Variants in KIF5C observed in about 807,000 individuals in gnomAD.
The protein encoded by KIF5C is kinesin family member 5C.
Under a neutral mutation model 125.2 loss-of-function variants are expected in KIF5C, and 18 were observed. The ratio of observed to expected loss-of-function variants is 0.14; its 90% CI spans 0.10 to 0.21. The LOEUF is 0.21. KIF5C is among the 10% of genes least tolerant of loss of function. The pLI is 1.00. For synonymous variants in KIF5C, 405 were observed against 434.0 expected (o/e 0.93, Z 0.83); for missense variants, 780 against 1,183.8 (o/e 0.66, Z 5.01).
At position 148,950,065 on chromosome 2, in the gene KIF5C, G is replaced by A. The variant is rs117235960; in HGVS notation, c.819+122G>A. ...TTTTTCTGTTTGGAAGAGGACAGAG[G>A]GAATCCTGGCTATGGATGCCTGCTT... On this transcript the variant is annotated intron_variant, in intron 9 of 25. Transcript: ENST00000435030. 71 of 1,426,092 alleles carry A rather than the reference G, an allele frequency of 5.0e-5. No individual in the cohort carries two copies. In the East Asian group the frequency reaches 1.5e-3, roughly 31 times the overall value. The allele number at this position is 1,426,092 out of a possible 1,614,324, so 88.3% of individuals were successfully genotyped here. A position where few individuals can be genotyped will look rare whatever the true frequency, so the allele number is the denominator to read the frequency against.
intron 1 of KIF5C, among the ~76,000 whole-genome samples, chr2:148,920,950 G>A (rs534631283): frequency 1.4e-4 from 21 of 152,274 alleles, no homozygotes; most frequent in African/African-American, 5.1e-4. Context: ...GCTATGTGGG[G>A]AACATGAAGA....
chr2:148,903,603 C>T (rs889100100), intron 1 of KIF5C, among the ~76,000 whole-genome samples: 1 of 152,180 alleles, frequency 6.6e-6, no homozygotes, highest in African/African-American at 2.4e-5. Flanking sequence ...ATGCAGTGAT[C>T]GAATGCCATG....
chr2:148,875,567 C>T lies in KIF5C; in HGVS notation c.-51C>T. The T allele has an allele frequency of 1.2e-6, 1 of 853,188 alleles. No individual in the cohort carries two copies. Among genetic ancestry groups the T allele is most frequent in the Non-Finnish European group, 1.9e-6 (1 of 520,588 alleles). The allele number at this position is 853,188 out of a possible 1,614,324, so 52.9% of individuals were successfully genotyped here. On this transcript the variant is annotated 5_prime_UTR_variant, in exon 1 of 26. Coordinates refer to ENST00000435030, the MANE Select transcript of KIF5C (RefSeq NM_004522.3). ...TCGCGGCCTCCTCCCTCGTCGTTCC[C>T]GGCCCCGGCCCCCCACCCATCCCCG...
chr2:148,965,762 AG>A (rs1273261834), intron 11 of KIF5C, among the ~76,000 whole-genome samples: 4 of 152,204 alleles, frequency 2.6e-5, no homozygotes, highest in Non-Finnish European at 5.9e-5. Flanking sequence ...TCTCTGGTAA[AG>A]CTGCGATCTG....
intron 12 of KIF5C, among the ~76,000 whole-genome samples, chr2:148,976,195 C>T (rs764818925): frequency 3.9e-5 from 6 of 152,128 alleles, no homozygotes; most frequent in Non-Finnish European, 5.9e-5. Context: ...GACCTGTTGA[C>T]AACTGAGGTT....
At chr2:148,939,772 T>C (rs1405339849) in intron 4 of KIF5C, among the ~76,000 whole-genome samples, 1 of 152,194 alleles carries the variant, frequency 6.6e-6, no homozygotes, top group Non-Finnish European at 1.5e-5. Flanking sequence ...ACTAAGGCAA[T>C]ATCGAAAATC....
intron 15 of KIF5C, among the ~76,000 whole-genome samples, chr2:148,988,147 C>A (rs1159607222): frequency 6.7e-6 from 1 of 149,378 alleles, no homozygotes; most frequent in Non-Finnish European, 1.5e-5. Context: ...ATTTCAGCAG[C>A]AAACTGATTT....
At chr2:148,886,225 G>T (rs1304585879) in intron 1 of KIF5C, 1 of 152,344 alleles carries the variant, frequency 6.6e-6, no homozygotes, top group East Asian at 1.9e-4. Flanking sequence ...AGGATCCCGA[G>T]TGAGGCTGTC....
chr2:148,990,093 C>A (rs1038758387), intron 15 of KIF5C, among the ~76,000 whole-genome samples: 1 of 152,166 alleles, frequency 6.6e-6, no homozygotes, highest in Admixed American at 6.5e-5. Context: ...AGGCTGCACT[C>A]TGGTGGCTAA....
chr2:148,940,986 G>A (rs1463339074), intron 4 of KIF5C, among the ~76,000 whole-genome samples: 1 of 152,182 alleles, frequency 6.6e-6, no homozygotes, highest in Non-Finnish European at 1.5e-5. Flanking sequence ...AGTTCAAACA[G>A]GTTCTTAGGT....
At chr2:148,991,232 G>C (rs1216378398) in intron 16 of KIF5C, 34 bp downstream of exon 16, 1 of 1,602,506 alleles carries the variant, frequency 6.2e-7, no homozygotes, top group South Asian at 1.1e-5. Context: ...TTGCACTCTT[G>C]TTGTCTTGAG....
Position 149,005,227 on chromosome 2 carries a change from T to G in KIF5C, c.2374-166T>G, listed in dbSNP as rs181077930. On this transcript the variant is annotated intron_variant, in intron 21 of 25. Coordinates refer to ENST00000435030, the MANE Select transcript of KIF5C (RefSeq NM_004522.3). ...CCTCAAGGTGCTCCAGTAATGACACTAGGTCCAGGGGTGGGCATGGTCAGG... is the reference window on the plus strand; with the variant it reads ...CCTCAAGGTGCTCCAGTAATGACACGAGGTCCAGGGGTGGGCATGGTCAGG... Among the ~76,000 whole-genome samples, 125 of 151,508 alleles carry G rather than the reference T, an allele frequency of 8.3e-4. 2 individuals carry two copies. The highest frequency in any genetic ancestry group is 4.0e-3 in the South Asian group (19 of 4,776).
At chr2:148,942,865 A>G (rs1682439401) in intron 7 of KIF5C, 105 bp downstream of exon 7, 1 of 1,530,850 alleles carries the variant, frequency 6.5e-7, no homozygotes, top group Non-Finnish European at 8.8e-7. Flanking sequence ...AATGCATGGG[A>G]AGGTGATTAA....
chr2:148,931,964 A>G (rs752406406), intron 3 of KIF5C, among the ~76,000 whole-genome samples: 15 of 152,296 alleles, frequency 9.8e-5, no homozygotes, highest in South Asian at 6.2e-4. Flanking sequence ...GTTGATGTGG[A>G]TGGGAGTTTT....
intron 12 of KIF5C, among the ~76,000 whole-genome samples, chr2:148,978,475 C>T (rs1212885807): frequency 6.6e-6 from 1 of 151,686 alleles, no homozygotes; most frequent in Non-Finnish European, 1.5e-5. Context: ...CTCTCCCTGC[C>T]GATCTGGTGG....
intron 3 of KIF5C, among the ~76,000 whole-genome samples, chr2:148,934,851 T>G (rs981501029): frequency 6.6e-6 from 1 of 150,946 alleles, no homozygotes; most frequent in Non-Finnish European, 1.5e-5. Context: ...CACACAGACA[T>G]ATACTACACA....
chr2:148,882,593 C>T (rs1681397776), intron 1 of KIF5C, among the ~76,000 whole-genome samples: 1 of 152,210 alleles, frequency 6.6e-6, no homozygotes, highest in Admixed American at 6.5e-5. Flanking sequence ...CAATGCCCAT[C>T]CCTTTTCCCT....
chr2:149,019,627 T>C (rs1283354526), intron 25 of KIF5C, among the ~76,000 whole-genome samples: 1 of 152,190 alleles, frequency 6.6e-6, no homozygotes, highest in African/African-American at 2.4e-5. Flanking sequence ...CCACAGCAGA[T>C]TGTACCAAAG....
At chr2:148,911,461 A>G (rs1438579183) in intron 1 of KIF5C, among the ~76,000 whole-genome samples, 7 of 152,160 alleles carry the variant, frequency 4.6e-5, no homozygotes, top group African/African-American at 1.4e-4. Context: ...CTTAGAATTG[A>G]AGATTAAGAG....
Sources: allele counts gnomAD v4.1 joint callset (sites outside exome capture counted in the v4.1 genomes callset), GRCh38; gene constraint gnomAD v4.1.1; transcripts MANE v1.5; gene names NCBI Gene and HGNC (gene_info 2026-07-23, HGNC 2026-07-21).